The following IQCM variants were observed in gnomAD, a reference collection of about 807,000 sequenced individuals.
IQCM encodes IQ domain-containing protein M.
A neutral mutation model predicts 57.6 loss-of-function variants in IQCM; 45 were observed. That is an observed-to-expected ratio of 0.78 (90% CI 0.62 to 1.00). The LOEUF is 1.00. Among genes scored for constraint, IQCM ranks in the 50% least tolerant of loss-of-function variants. The probability of loss-of-function intolerance (pLI) is 0.00; values close to 1 mark genes in which losing one functional copy is unlikely to be tolerated. For synonymous variants in IQCM, 148 were observed against 158.9 expected, an observed-to-expected ratio of 0.93 and a Z score of 0.51; for missense variants, 468 against 511.6, an observed-to-expected ratio of 0.91 and a Z score of 0.82.
chr4:149,690,093 G>A (rs764751928), intron 5 of IQCM, among the ~76,000 whole-genome samples: 26 of 152,162 alleles, frequency 1.7e-4, no homozygotes, highest in Non-Finnish European at 3.1e-4. Context: ...GTCATCATAC[G>A]AAAAAGATAC....
chr4:149,561,065 C>T (rs974721832), intron 10 of IQCM, among the ~76,000 whole-genome samples: 4 of 152,016 alleles, frequency 2.6e-5, no homozygotes, highest in African/African-American at 4.8e-5. Context: ...AGCAATCATC[C>T]AACAGATGAA....
At position 149,757,741 on chromosome 4, in the gene IQCM, ATGTG is replaced by A. The variant is rs3085133; in HGVS notation, c.-48-15006_-48-15003del. 4.0e-3 allele frequency among the ~76,000 whole-genome samples: 601 copies of A among 150,132 alleles called. 3 individuals carry two copies. The highest frequency in any genetic ancestry group is 6.6e-3 in the Non-Finnish European group (444 of 67,380). On this transcript the variant is annotated intron_variant, in intron 2 of 13. Transcript: ENST00000636793. ...ATTAGATATATTCCTGATATTATATATGTGTGTGTGTGTGTGTGTGTGTGTATAT... is the reference window on the plus strand; with the variant it reads ...ATTAGATATATTCCTGATATTATATATGTGTGTGTGTGTGTGTGTGTATAT...
intron 7 of IQCM, among the ~76,000 whole-genome samples, chr4:149,663,557 A>C (rs959609872): frequency 3.3e-5 from 5 of 152,028 alleles, no homozygotes; most frequent in Admixed American, 6.6e-5. Flanking sequence ...AACCTTTGAT[A>C]GGTATATTAT....
chr4:149,658,440 G>C (rs999313622), intron 7 of IQCM, among the ~76,000 whole-genome samples: 3 of 152,010 alleles, frequency 2.0e-5, no homozygotes, highest in African/African-American at 7.2e-5. Flanking sequence ...GTTGTGTAAT[G>C]CCTCAAGCTT....
chr4:149,436,900 T>C (rs1438350163), intron 12 of IQCM, among the ~76,000 whole-genome samples: 1 of 152,136 alleles, frequency 6.6e-6, no homozygotes, highest in East Asian at 1.9e-4. Flanking sequence ...ATTGAGAGCT[T>C]AGTATACAAC....
chr4:149,446,711 A>G (rs1736549880), intron 12 of IQCM, among the ~76,000 whole-genome samples: 1 of 151,608 alleles, frequency 6.6e-6, no homozygotes, highest in Non-Finnish European at 1.5e-5. Flanking sequence ...AATTATACAT[A>G]TATATGTATC....
chr4:149,613,765 C>T (rs368440977), intron 8 of IQCM, among the ~76,000 whole-genome samples: 6 of 152,114 alleles, frequency 3.9e-5, no homozygotes, highest in East Asian at 3.9e-4. Flanking sequence ...TTTCCCTTCC[C>T]GTGTCCATGT....
chr4:149,437,614 T>C (rs1028365386), intron 12 of IQCM, among the ~76,000 whole-genome samples: 4 of 152,012 alleles, frequency 2.6e-5, no homozygotes, highest in Admixed American at 2.6e-4. Flanking sequence ...ATTGAGAGCT[T>C]GGTGCCTCCC....
chr4:149,444,470 T>C (rs1291930916), intron 12 of IQCM, among the ~76,000 whole-genome samples: 3 of 151,912 alleles, frequency 2.0e-5, no homozygotes, highest in Non-Finnish European at 4.4e-5. Flanking sequence ...ACTTGGGTTA[T>C]TTCCCTTTGG....
chr4:149,466,763 T>G (rs1359001429), intron 12 of IQCM, among the ~76,000 whole-genome samples: 1 of 152,168 alleles, frequency 6.6e-6, no homozygotes, highest in Non-Finnish European at 1.5e-5. Context: ...ATTGGCTAAT[T>G]TAAAAACAAC....
intron 13 of IQCM, among the ~76,000 whole-genome samples, chr4:149,431,589 C>T (rs947051963): frequency 1.3e-4 from 20 of 151,894 alleles, no homozygotes; most frequent in Admixed American, 7.9e-4. Context: ...AATCAAGATA[C>T]AGAATGGTTC....
intron 7 of IQCM, among the ~76,000 whole-genome samples, chr4:149,679,166 C>T (rs1426712570): frequency 1.3e-5 from 2 of 151,436 alleles, no homozygotes; most frequent in Non-Finnish European, 3.0e-5. Flanking sequence ...GAAAATGTGA[C>T]ACATATTATG....
At chr4:149,527,481 G>A (rs770161939) in intron 12 of IQCM, among the ~76,000 whole-genome samples, 8 of 152,188 alleles carry the variant, frequency 5.3e-5, no homozygotes. Context: ...CCATCTGCAA[G>A]TCAGGAAGAG....
chr4:149,406,204 T>A (rs1732970085), intron 13 of IQCM, among the ~76,000 whole-genome samples: 1 of 151,992 alleles, frequency 6.6e-6, no homozygotes, highest in Admixed American at 6.6e-5. Context: ...CAAATCAAAG[T>A]CTCTGACCCT....
chr4:149,378,114 T>C (rs541793462), intron 13 of IQCM, among the ~76,000 whole-genome samples: 1 of 152,290 alleles, frequency 6.6e-6, no homozygotes, highest in Non-Finnish European at 1.5e-5. Context: ...TCTGCCAGCA[T>C]GTAAGATGTG....
chr4:149,405,809 A>G (rs1488096322), intron 13 of IQCM, among the ~76,000 whole-genome samples: 1 of 146,210 alleles, frequency 6.8e-6, no homozygotes, highest in African/African-American at 2.5e-5. Context: ...CCCTTTTTAA[A>G]TTTTCACCTC....
chr4:149,570,910 TA>T (rs1269628644), intron 9 of IQCM, among the ~76,000 whole-genome samples: 1 of 151,996 alleles, frequency 6.6e-6, no homozygotes, highest in Non-Finnish European at 1.5e-5. Flanking sequence ...TCAACATCAC[TA>T]ATCATCAGGG....
intron 5 of IQCM, among the ~76,000 whole-genome samples, chr4:149,699,572 C>G (rs1166467984): frequency 6.6e-6 from 1 of 151,532 alleles, no homozygotes; most frequent in African/African-American, 2.4e-5. Context: ...CTGATCTTCC[C>G]CCTAAAAAAA....
chr4:149,748,577 C>G (rs1383795347), intron 2 of IQCM: 3 of 152,076 alleles, frequency 2.0e-5, no homozygotes, highest in Non-Finnish European at 4.4e-5. Flanking sequence ...CCATATTCAA[C>G]AAGCTATGGA....
Sources: allele counts gnomAD v4.1 joint callset (sites outside exome capture counted in the v4.1 genomes callset), GRCh38; gene constraint gnomAD v4.1.1; transcripts MANE v1.5; gene names NCBI Gene and HGNC (gene_info 2026-07-23, HGNC 2026-07-21).